TLL1: variants seen among roughly 807,000 people sequenced by gnomAD.
TLL1 encodes the protein tolloid like 1, also known as tolloid-like protein 1.
TLL1 carries 49 observed loss-of-function variants against 128.2 expected under a neutral mutation model. The observed-to-expected ratio is 0.38, with a 90% CI of 0.30 to 0.48. The LOEUF is 0.48. TLL1 is among the 20% of genes least tolerant of loss of function. The pLI is 0.96. For missense variants in TLL1, 1,123 were observed against 1,242.0 expected (o/e 0.90, Z 1.44); for synonymous variants, 454 against 418.8 (o/e 1.08, Z -1.03).
intron 1 of TLL1, among the ~76,000 whole-genome samples, chr4:165,931,611 T>C (rs1359474657): frequency 2.0e-5 from 3 of 151,038 alleles, no homozygotes; most frequent in East Asian, 3.9e-4. Context: ...CCCAGCTACT[T>C]GGGAGGCTGA....
At chr4:165,902,915 T>C (rs1461349643) in intron 1 of TLL1, among the ~76,000 whole-genome samples, 1 of 152,210 alleles carries the variant, frequency 6.6e-6, no homozygotes, top group African/African-American at 2.4e-5. Flanking sequence ...AGAAAATGTT[T>C]GTGACTTTCA....
chr4:166,013,067 T>C (rs568670852), intron 7 of TLL1, among the ~76,000 whole-genome samples: 4 of 151,912 alleles, frequency 2.6e-5, no homozygotes, highest in African/African-American at 9.6e-5. Context: ...GTGTTTCTTG[T>C]TCTTTCTGTC....
intron 2 of TLL1, 83 bp from the exon 3 acceptor site, chr4:165,992,721 A>C: frequency 3.2e-6 from 4 of 1,249,158 alleles, no homozygotes; most frequent in Non-Finnish European, 4.7e-6. Context: ...ACCAAAGAGA[A>C]ATCATTGTTG....
rs1742169482 is a variant in TLL1, at chr4:166,099,280, G to A, written c.2660G>A (p.Cys887Tyr). ...KGFQATHSTE[C>Y]GGRLKAESKP... ...CTTATTTTTCTTTCCTGGGCAGAGT[G>A]TGGCGGACGATTGAAAGCAGAATCA... The change falls in exon 20 of 21, where the codon TGT (cysteine) becomes TAT (tyrosine). Residue 887 changes from cysteine (C) to tyrosine (Y), a missense_variant. This residue lies in a region of TLL1 where 634 missense variants were observed against 672.4 expected (regional missense o/e 0.94). Transcript: ENST00000061240. 6.2e-7 allele frequency: 1 copy of A among 1,613,534 alleles called. No individual in the cohort carries two copies. The highest frequency in any genetic ancestry group is 8.5e-7 in the Non-Finnish European group (1 of 1,179,592).
chr4:166,052,975 A>ATATATATATATATATATATATATC (rs1553965115), intron 12 of TLL1, among the ~76,000 whole-genome samples: 1 of 132,056 alleles, frequency 7.6e-6, no homozygotes, highest in East Asian at 2.1e-4. Flanking sequence ...GTATATATAT[A>ATATATATATATATATATATATATC]TATATATTTG....
At chr4:165,956,218 G>A (rs149142632) in intron 1 of TLL1, among the ~76,000 whole-genome samples, 175 of 152,134 alleles carry the variant, frequency 1.2e-3, no homozygotes, top group African/African-American at 4.0e-3. Context: ...AGTGGTGCAC[G>A]TATTGTCTTG....
chr4:165,900,903 G>T (rs11100624), intron 1 of TLL1, among the ~76,000 whole-genome samples: 44,495 of 151,496 alleles, frequency 0.29, 6,862 homozygotes, highest in East Asian at 0.51. Context: ...CTTTTCACAT[G>T]GTCCCATATT....
At chr4:165,998,952 C>T (rs1737021361) in intron 5 of TLL1, among the ~76,000 whole-genome samples, 1 of 152,094 alleles carries the variant, frequency 6.6e-6, no homozygotes, top group Non-Finnish European at 1.5e-5. Context: ...GTGTGCTAGC[C>T]AGGATTCTTC....
chr4:166,047,453 C>T (rs368140677), intron 12 of TLL1, among the ~76,000 whole-genome samples: 3 of 150,014 alleles, frequency 2.0e-5, no homozygotes, highest in Admixed American at 6.7e-5. Flanking sequence ...TATGAGCCAC[C>T]GCACCTGGCC....
At chr4:166,030,453 G>T (rs931934618) in intron 9 of TLL1, 8 of 591,828 alleles carry the variant, frequency 1.4e-5, no homozygotes, top group Non-Finnish European at 2.5e-5. Flanking sequence ...TCCTTCACAG[G>T]TTGTATTTTC....
intron 10 of TLL1, among the ~76,000 whole-genome samples, chr4:166,041,045 ATATT>A (rs1304545811): frequency 6.6e-5 from 10 of 152,204 alleles, no homozygotes; most frequent in Non-Finnish European, 1.5e-4. Context: ...GACAGGTATT[ATATT>A]TATTTGCTGT....
chr4:166,086,039 A>C (rs2111151429), intron 18 of TLL1, among the ~76,000 whole-genome samples: 1 of 152,284 alleles, frequency 6.6e-6, no homozygotes, highest in South Asian at 2.1e-4. Flanking sequence ...TTGGGTTATA[A>C]GACTATAAGC....
intron 1 of TLL1, among the ~76,000 whole-genome samples, chr4:165,947,163 GC>G (rs994126967): frequency 1.3e-5 from 2 of 152,078 alleles, no homozygotes; most frequent in Non-Finnish European, 2.9e-5. Context: ...CATGTGGGTG[GC>G]CATCATCTTA....
chr4:166,028,094 T>A (rs1472040651), intron 9 of TLL1, among the ~76,000 whole-genome samples: 3 of 151,918 alleles, frequency 2.0e-5, no homozygotes, highest in African/African-American at 7.3e-5. Flanking sequence ...TTTGGTTTCA[T>A]TCTGCTGGGT....
intron 1 of TLL1, among the ~76,000 whole-genome samples, chr4:165,925,287 C>A (rs1309529801): frequency 6.6e-6 from 1 of 152,154 alleles, no homozygotes; most frequent in African/African-American, 2.4e-5. Flanking sequence ...ATTCCAGATG[C>A]CATTATGAAC....
At chr4:166,016,437 A>G (rs1290089075) in intron 8 of TLL1, among the ~76,000 whole-genome samples, 3 of 152,092 alleles carry the variant, frequency 2.0e-5, no homozygotes, top group Admixed American at 6.6e-5. Context: ...GGAGGTTTGT[A>G]TGCACACTGA....
chr4:166,092,472 A>T (rs1209961643), intron 19 of TLL1, among the ~76,000 whole-genome samples: 1 of 152,062 alleles, frequency 6.6e-6, no homozygotes, highest in East Asian at 1.9e-4. Context: ...AAAATCTTAC[A>T]TGGACCAGAG....
At chr4:166,034,733 T>C (rs906207664) in intron 9 of TLL1, among the ~76,000 whole-genome samples, 2 of 152,104 alleles carry the variant, frequency 1.3e-5, no homozygotes, top group Non-Finnish European at 2.9e-5. Flanking sequence ...AGGGGTGTAG[T>C]GGGAATTTAG....
intron 9 of TLL1, chr4:166,030,393 T>A (rs112724198): frequency 8.6e-5 from 38 of 442,828 alleles, no homozygotes; most frequent in Non-Finnish European, 1.3e-4. Context: ...TTTTTATATA[T>A]TCTGGTTATT....
Sources: allele counts gnomAD v4.1 joint callset (sites outside exome capture counted in the v4.1 genomes callset), GRCh38; gene constraint gnomAD v4.1.1; regional missense constraint gnomAD v4.1.1; transcripts MANE v1.5; gene names NCBI Gene and HGNC (gene_info 2026-07-23, HGNC 2026-07-21).